KHDRBS2: variants seen among roughly 807,000 people sequenced by gnomAD.
KHDRBS2 encodes KH domain-containing, RNA-binding, signal transduction-associated protein 2.
A neutral mutation model predicts 44.3 loss-of-function variants in KHDRBS2; 26 were observed. The ratio of observed to expected loss-of-function variants is 0.59; its 90% CI spans 0.43 to 0.81. The LOEUF is 0.81. Among genes scored for constraint, KHDRBS2 ranks in the 40% least tolerant of loss-of-function variants. KHDRBS2 has a pLI of 0.00. For missense variants in KHDRBS2, 476 were observed against 433.1 expected (o/e 1.10, Z -0.88); for synonymous variants, 194 against 151.1 (o/e 1.28, Z -2.08).
chr6:61,724,430 A>G (rs1773216613), intron 7 of KHDRBS2, among the ~76,000 whole-genome samples: 1 of 152,190 alleles, frequency 6.6e-6, no homozygotes, highest in Non-Finnish European at 1.5e-5. Context: ...ATCAGCTAGC[A>G]TCATGATGAA....
intron 6 of KHDRBS2, among the ~76,000 whole-genome samples, chr6:61,885,117 T>G (rs2127321596): frequency 6.6e-6 from 1 of 152,236 alleles, no homozygotes; most frequent in African/African-American, 2.4e-5. Flanking sequence ...TCTGTTTTAT[T>G]AGTCAACAAA....
chr6:61,882,600 T>C lies in KHDRBS2; in HGVS notation c.810+12035A>G, dbSNP rs543426869. On this transcript the variant is annotated intron_variant, in intron 6 of 8. Coordinates refer to ENST00000281156, the MANE Select transcript of KHDRBS2 (RefSeq NM_152688.4). The stretch of plus-strand genomic sequence containing the variant: ...TTCCATCGTCAACAATGAAGAGAAA[T>C]AGTCTTAACTCAAATCTTGAGATTA... Among the ~76,000 whole-genome samples, 57 of 152,096 alleles carry C rather than the reference T, an allele frequency of 3.7e-4. No individual in the cohort carries two copies. The South Asian group carries it at 0.011, about 30-fold the overall frequency.
chr6:61,994,099 G>A (rs769403865), intron 3 of KHDRBS2, among the ~76,000 whole-genome samples: 3 of 152,062 alleles, frequency 2.0e-5, no homozygotes, highest in Non-Finnish European at 4.4e-5. Context: ...GCTGTTATTG[G>A]TACACAAGAA....
chr6:62,018,547 C>T (rs551257604), intron 3 of KHDRBS2, among the ~76,000 whole-genome samples: 14 of 152,134 alleles, frequency 9.2e-5, no homozygotes, highest in East Asian at 3.9e-4. Context: ...GGGGTTTCAC[C>T]GATTAGCCAG....
chr6:62,043,807 G>T (rs1787070940), intron 3 of KHDRBS2, among the ~76,000 whole-genome samples: 1 of 151,854 alleles, frequency 6.6e-6, no homozygotes, highest in Non-Finnish European at 1.5e-5. Flanking sequence ...ATAATGATCT[G>T]GAAACATATC....
chr6:62,088,001 G>A (rs575300118), intron 2 of KHDRBS2, among the ~76,000 whole-genome samples: 13 of 152,074 alleles, frequency 8.5e-5, no homozygotes, highest in South Asian at 2.1e-4. Context: ...TAATACTTGC[G>A]TATGCTTCAC....
intron 2 of KHDRBS2, among the ~76,000 whole-genome samples, chr6:62,120,408 G>A (rs1007522326): frequency 3.3e-5 from 5 of 152,138 alleles, no homozygotes; most frequent in Non-Finnish European, 2.9e-5. Context: ...CTCTGTGATT[G>A]CTCTTCTCTG....
chr6:61,665,922 TA>T, the KHDRBS2 span, among the ~76,000 whole-genome samples: 1 of 150,920 alleles, frequency 6.6e-6, no homozygotes, highest in East Asian at 2.0e-4. Flanking sequence ...AAAATAATTT[TA>T]AAAAACTATT....
chr6:61,557,721 T>A, the KHDRBS2 span, among the ~76,000 whole-genome samples: 2 of 152,202 alleles, frequency 1.3e-5, no homozygotes. Context: ...AGTTGTTCTT[T>A]AACAACAACT....
the KHDRBS2 span, among the ~76,000 whole-genome samples, chr6:61,601,823 C>T: frequency 1.1e-4 from 16 of 152,262 alleles, no homozygotes; most frequent in South Asian, 3.3e-3. Flanking sequence ...GTCACCTCCC[C>T]TACTCACACC....
At chr6:61,980,278 A>C (rs1773564301) in intron 3 of KHDRBS2, among the ~76,000 whole-genome samples, 1 of 152,130 alleles carries the variant, frequency 6.6e-6, no homozygotes, top group African/African-American at 2.4e-5. Context: ...ATTTTTATGA[A>C]GAATATATCA....
In KHDRBS2 at chr6:61,959,717, G is replaced by T. The variant is rs529394375; in HGVS notation, c.483+18349C>A. 1.5e-4 allele frequency among the ~76,000 whole-genome samples: 23 copies of T among 152,240 alleles called. No individual in the cohort carries two copies. The East Asian group carries it at 3.7e-3, about 24-fold the overall frequency. Reference sequence around the variant, plus strand: ...TATGTACTTATGGGTTAAGTTATGGGTTAGGTAGAATGCAATACGATATTA... The same window carrying T: ...TATGTACTTATGGGTTAAGTTATGGTTTAGGTAGAATGCAATACGATATTA... On this transcript the variant is annotated intron_variant, in intron 4 of 8. Transcript: ENST00000281156.
intron 6 of KHDRBS2, among the ~76,000 whole-genome samples, chr6:61,765,406 G>C (rs1779860722): frequency 6.6e-6 from 1 of 152,106 alleles, no homozygotes; most frequent in Non-Finnish European, 1.5e-5. Flanking sequence ...AGCTCTGATT[G>C]TGTCACTGCA....
At chr6:62,247,718 T>C (rs1284116253) in intron 1 of KHDRBS2, among the ~76,000 whole-genome samples, 1 of 152,044 alleles carries the variant, frequency 6.6e-6, no homozygotes, top group African/African-American at 2.4e-5. Flanking sequence ...TATGAAGAGA[T>C]AAAACCTATA....
chr6:62,237,276 C>T (rs961073623), intron 1 of KHDRBS2, among the ~76,000 whole-genome samples: 1 of 152,128 alleles, frequency 6.6e-6, no homozygotes, highest in African/African-American at 2.4e-5. Context: ...GGTGGACTTA[C>T]TACATAACAA....
chr6:62,066,874 T>TA (rs1793856984), intron 2 of KHDRBS2, among the ~76,000 whole-genome samples: 1 of 151,662 alleles, frequency 6.6e-6, no homozygotes, highest in South Asian at 2.1e-4. Flanking sequence ...TTGGGCTGCT[T>TA]AAAAATTAAC....
chr6:62,153,363 A>T (rs1205067044), intron 2 of KHDRBS2, among the ~76,000 whole-genome samples: 1 of 152,204 alleles, frequency 6.6e-6, no homozygotes, highest in Non-Finnish European at 1.5e-5. Context: ...TGAGTACAGA[A>T]TCAAATTCTT....
chr6:62,210,759 G>A (rs1324336399), intron 1 of KHDRBS2, among the ~76,000 whole-genome samples: 1 of 151,980 alleles, frequency 6.6e-6, no homozygotes, highest in Non-Finnish European at 1.5e-5. Flanking sequence ...TTAACACTCT[G>A]ATTCAATAAA....
At chr6:62,250,382 A>T (rs1836314295) in intron 1 of KHDRBS2, among the ~76,000 whole-genome samples, 1 of 152,104 alleles carries the variant, frequency 6.6e-6, no homozygotes, top group Non-Finnish European at 1.5e-5. Flanking sequence ...ATTCTAATAA[A>T]ACTGTTTCTA....
Sources: gnomAD v4.1 joint callset for allele counts (sites outside exome capture counted in the v4.1 genomes callset) on GRCh38, gnomAD v4.1.1 for gene constraint, MANE v1.5 for transcripts, NCBI Gene and HGNC (gene_info 2026-07-23, HGNC 2026-07-21) for gene names.